The following LRRIQ4 variants were observed in gnomAD, a reference collection of about 807,000 sequenced individuals.
The protein encoded by LRRIQ4 is leucine rich repeats and IQ motif containing 4.
A neutral mutation model predicts 40.1 loss-of-function variants in LRRIQ4; 21 were observed. The ratio of observed to expected loss-of-function variants is 0.52; its 90% CI spans 0.37 to 0.75. LRRIQ4 has a LOEUF of 0.75. LRRIQ4 is among the 30% of genes least tolerant of loss of function. The pLI is 0.00. For missense variants in LRRIQ4, 655 were observed against 660.0 expected, an observed-to-expected ratio of 0.99 and a Z score of 0.08; for synonymous variants, 277 against 277.1, an observed-to-expected ratio of 1.00 and a Z score of 0.00.
At chr3:169,830,409 A>AATT in intron 3 of LRRIQ4, 83 bp from the exon 4 acceptor site, 1 of 508,546 alleles carries the variant, frequency 2.0e-6, no homozygotes, top group African/African-American at 2.2e-5. Flanking sequence ...AAAAAAAAAA[A>AATT]TGCATGAGCA....
intron 5 of LRRIQ4, among the ~76,000 whole-genome samples, chr3:169,836,490 A>ATT (rs1434376559): frequency 6.6e-6 from 1 of 150,954 alleles, no homozygotes; most frequent in Non-Finnish European, 1.5e-5. Flanking sequence ...AGAAAGAGAG[A>ATT]GAGAGAGAGA....
chr3:169,830,406 A>ATT, intron 3 of LRRIQ4, 86 bp from the exon 4 acceptor site: 1 of 573,900 alleles, frequency 1.7e-6, no homozygotes, highest in Non-Finnish European at 2.5e-6. Flanking sequence ...AAAAAAAAAA[A>ATT]AAATGCATGA....
intron 1 of LRRIQ4, among the ~76,000 whole-genome samples, 182 bp downstream of exon 1, chr3:169,813,228 G>C (rs1230068280): frequency 6.6e-6 from 1 of 152,220 alleles, no homozygotes; most frequent in Non-Finnish European, 1.5e-5. Context: ...CAGCCGAGGA[G>C]ATCAGTCTCA....
intron 2 of LRRIQ4, among the ~76,000 whole-genome samples, chr3:169,827,208 A>G (rs2108271347): frequency 6.6e-6 from 1 of 152,334 alleles, no homozygotes; most frequent in African/African-American, 2.4e-5. Context: ...ATAAAGGAAC[A>G]TATGAGTTAA....
At chr3:169,828,238 T>TG (rs938846667) in intron 2 of LRRIQ4, among the ~76,000 whole-genome samples, 5 of 135,170 alleles carry the variant, frequency 3.7e-5, no homozygotes, top group African/African-American at 1.4e-4. Context: ...ATTGCTCCAA[T>TG]TTTTTTTTTT....
At chr3:169,829,751 T>A (rs1256642167) in intron 3 of LRRIQ4, among the ~76,000 whole-genome samples, 1 of 152,226 alleles carries the variant, frequency 6.6e-6, no homozygotes, top group Non-Finnish European at 1.5e-5. Flanking sequence ...TCCACCTGCC[T>A]CGGCCTCCCA....
At chr3:169,824,090 A>C (rs1779982721) in intron 2 of LRRIQ4, among the ~76,000 whole-genome samples, 1 of 152,218 alleles carries the variant, frequency 6.6e-6, no homozygotes, top group East Asian at 1.9e-4. Context: ...ATATATGTAT[A>C]TACATACACA....
intron 4 of LRRIQ4, among the ~76,000 whole-genome samples, chr3:169,831,261 CTTTTT>C (rs869088396): frequency 6.0e-5 from 2 of 33,456 alleles, no homozygotes; most frequent in African/African-American, 2.1e-4. Context: ...TATGGCTATT[CTTTTT>C]TTTTTTTTTT....
At position 169,816,674 on chromosome 3, in the gene LRRIQ4, C is replaced by CTTTTTTTT. The variant is rs34890404; in HGVS notation, c.-32+3637_-32+3644dup. The stretch of plus-strand genomic sequence containing the variant: ...GATTTTTGTGATTTCTTTTCTTCTA[C>CTTTTTTTT]TTTTTTTTTTTTTTTTGACAGAGTT... On this transcript the variant is annotated intron_variant, in intron 1 of 5. Coordinates refer to ENST00000340806, the MANE Select transcript of LRRIQ4 (RefSeq NM_001080460.3). Among the ~76,000 whole-genome samples the CTTTTTTTT allele has an allele frequency of 3.6e-4, 49 of 136,036 alleles. 1 individual carries two copies. Among genetic ancestry groups the CTTTTTTTT allele is most frequent in the African/African-American group, 1.3e-3 (49 of 36,718 alleles). 89.2% of individuals were successfully genotyped at this position (136,036 alleles called of 152,430 possible). A position where few individuals can be genotyped will look rare whatever the true frequency, so the allele number is the denominator to read the frequency against.
intron 1 of LRRIQ4, among the ~76,000 whole-genome samples, chr3:169,817,232 T>A (rs1779787093): frequency 6.6e-6 from 1 of 152,254 alleles, no homozygotes; most frequent in Admixed American, 6.5e-5. Flanking sequence ...TCCACGTGTT[T>A]GTACAATTCC....
At chr3:169,824,833 GA>G (rs1234118343) in intron 2 of LRRIQ4, among the ~76,000 whole-genome samples, 20 of 151,538 alleles carry the variant, frequency 1.3e-4, no homozygotes, top group Admixed American at 1.3e-3. Context: ...GATTTAAAAA[GA>G]AAAAAATAGC....
intron 1 of LRRIQ4, among the ~76,000 whole-genome samples, chr3:169,814,778 C>A (rs1365448576): frequency 6.6e-6 from 1 of 152,178 alleles, no homozygotes; most frequent in Non-Finnish European, 1.5e-5. Context: ...AGGCACTATG[C>A]CTGGCCCTTT....
rs1484172018 is a variant in LRRIQ4, at chr3:169,833,063, G to A, written c.1410G>A (p.Lys470=). The change falls in exon 5 of 6, where the codon AAG becomes AAA. Residue 470 remains lysine, a synonymous_variant. Coordinates refer to ENST00000340806, the MANE Select transcript of LRRIQ4 (RefSeq NM_001080460.3). Reference sequence around the variant, plus strand: ...ATTTGGATTCCCTAGTGAATCTTAAGGTTCTGACACTGATGGACAATCCCA... The same window carrying A: ...ATTTGGATTCCCTAGTGAATCTTAAAGTTCTGACACTGATGGACAATCCCA... ...PENLDSLVNL[K]VLTLMDNPME... is the part of the protein sequence containing the mutation. 6.2e-7 allele frequency: 1 copy of A among 1,613,954 alleles called. No homozygotes were observed. Among genetic ancestry groups the A allele is most frequent in the Admixed American group, 1.7e-5 (1 of 60,024 alleles).
chr3:169,826,357 C>A (rs9812653), intron 2 of LRRIQ4, among the ~76,000 whole-genome samples: 2,300 of 149,490 alleles, frequency 0.015, 61 homozygotes, highest in African/African-American at 0.054. Flanking sequence ...GTACCATTGC[C>A]GTCCAGCCGA....
At chr3:169,830,701 T>C in intron 4 of LRRIQ4, 71 bp downstream of exon 4, 6 of 1,570,032 alleles carry the variant, frequency 3.8e-6, no homozygotes, top group Non-Finnish European at 4.4e-6. Flanking sequence ...AATGGCTTCC[T>C]TGCTTTGCTA....
At chr3:169,830,695 G>A in intron 4 of LRRIQ4, 65 bp downstream of exon 4, 2 of 1,580,962 alleles carry the variant, frequency 1.3e-6, no homozygotes, top group Non-Finnish European at 1.7e-6. Context: ...ATGGCAAATG[G>A]CTTCCTTGCT....
chr3:169,818,121 G>A (rs192910746), intron 1 of LRRIQ4, among the ~76,000 whole-genome samples: 17 of 152,146 alleles, frequency 1.1e-4, no homozygotes, highest in African/African-American at 4.1e-4. Context: ...AATTCTACCC[G>A]ATGTTGCTTT....
At chr3:169,814,918 A>G (rs1779733621) in intron 1 of LRRIQ4, among the ~76,000 whole-genome samples, 1 of 152,182 alleles carries the variant, frequency 6.6e-6, no homozygotes, top group African/African-American at 2.4e-5. Context: ...TATGTTACTG[A>G]TACCTTTGTC....
intron 4 of LRRIQ4, 102 bp downstream of exon 4, chr3:169,830,732 G>A (rs1780152893): frequency 2.9e-6 from 4 of 1,397,286 alleles, no homozygotes; most frequent in South Asian, 2.6e-5. Context: ...TCAGTGTTCA[G>A]AGAACTGAGT....
Sources: gnomAD v4.1 joint callset for allele counts (sites outside exome capture counted in the v4.1 genomes callset) on GRCh38, gnomAD v4.1.1 for gene constraint, MANE v1.5 for transcripts, NCBI Gene and HGNC (gene_info 2026-07-23, HGNC 2026-07-21) for gene names.